The following CSN1S1 variants were observed in gnomAD, a reference collection of about 807,000 sequenced individuals.
CSN1S1 encodes alpha-S1-casein.
A neutral mutation model predicts 49.1 loss-of-function variants in CSN1S1; 63 were observed. The ratio of observed to expected loss-of-function variants is 1.28; its 90% confidence interval spans 1.05 to 1.58. The LOEUF is 1.58. CSN1S1 is among the 40% of genes most tolerant of loss of function. CSN1S1 has a pLI of 0.00. For synonymous variants in CSN1S1, 78 were observed against 67.1 expected (o/e 1.16, Z -0.79); for missense variants, 260 against 224.7 (o/e 1.16, Z -1.01).
chr4:69,943,210 A>T (rs1348731446), intron 14 of CSN1S1, among the ~76,000 whole-genome samples: 1 of 150,258 alleles, frequency 6.7e-6, no homozygotes, highest in African/African-American at 2.4e-5. Flanking sequence ...TATTAGACAG[A>T]TTCTCACACT....
intron 9 of CSN1S1, 112 bp downstream of exon 9, chr4:69,937,935 A>AGAC: frequency 1.6e-6 from 1 of 630,528 alleles, no homozygotes; most frequent in Non-Finnish European, 2.5e-6. Context: ...TAAGAAACTG[A>AGAC]ATTTTAAAAT....
At chr4:69,938,297 G>A (rs923483072) in intron 9 of CSN1S1, among the ~76,000 whole-genome samples, 32 of 151,694 alleles carry the variant, frequency 2.1e-4, no homozygotes, top group African/African-American at 7.5e-4. Context: ...AACAGGTATA[G>A]GTTGGTGCAA....
intron 1 of CSN1S1, 32 bp from the exon 2 acceptor site, chr4:69,932,512 T>C (rs1560384851): frequency 5.2e-6 from 8 of 1,548,062 alleles, no homozygotes; most frequent in Non-Finnish European, 7.0e-6. Flanking sequence ...CGTAATAATA[T>C]CTAACTCTTT....
chr4:69,945,414 T>C (rs1578139195), intron 15 of CSN1S1, among the ~76,000 whole-genome samples: 1 of 152,036 alleles, frequency 6.6e-6, no homozygotes, highest in East Asian at 1.9e-4. Context: ...TATTTTGGTG[T>C]TCAGTAGTCC....
chr4:69,937,659 C>A (rs758259463), intron 8 of CSN1S1, 141 bp from the exon 9 acceptor site: 3 of 605,528 alleles, frequency 5.0e-6, no homozygotes, highest in African/African-American at 4.0e-5. Flanking sequence ...ATAAAGTAGG[C>A]AGTTTTTTTA....
chr4:69,942,515 A>G, intron 13 of CSN1S1, 21 bp from the exon 14 acceptor site: 1 of 1,566,624 alleles, frequency 6.4e-7, no homozygotes, highest in Middle Eastern at 1.9e-4. Context: ...AGTAATTTAG[A>G]ATGTGTTTCC....
At chr4:69,935,875 G>A (rs554012594) in intron 4 of CSN1S1, 51 bp from the exon 5 acceptor site, 1 of 1,160,460 alleles carries the variant, frequency 8.6e-7, no homozygotes, top group South Asian at 1.4e-5. Context: ...TAAATGATTT[G>A]ATAGATAACT....
chr4:69,936,365 A>C (rs1722783314), intron 5 of CSN1S1, 91 bp from the exon 6 acceptor site: 1 of 957,152 alleles, frequency 1.0e-6, no homozygotes, highest in East Asian at 2.5e-5. Flanking sequence ...AATTTGTATC[A>C]GCACGATGTG....
intron 8 of CSN1S1, 68 bp from the exon 9 acceptor site, chr4:69,937,732 G>A (rs1722834143): frequency 8.2e-7 from 1 of 1,212,486 alleles, no homozygotes; most frequent in African/African-American, 1.6e-5. Flanking sequence ...ATTTTATTTG[G>A]TAATCATTAC....
Position 69,931,127 on chromosome 4 carries a change from T to C in CSN1S1, c.-13+10T>C, listed in dbSNP as rs1722594907. 1 of 152,032 alleles carries C rather than the reference T, an allele frequency of 6.6e-6. No homozygotes were observed. Among genetic ancestry groups the C allele is most frequent in the Non-Finnish European group, 1.5e-5 (1 of 67,920 alleles). The allele number at this position is 152,032 out of a possible 1,614,324, so 9.4% of individuals were successfully genotyped here. The stretch of plus-strand genomic sequence containing the variant: ...CAGACTTGGGCTTAAGGTACTGCGT[T>C]TACATACAGCAAAATTGCTATCATT... On this transcript the variant is annotated intron_variant, in intron 1 of 15. Transcript: ENST00000246891.
At position 69,936,063 on chromosome 4, in the gene CSN1S1, G is replaced by C. The variant is rs913474004; in HGVS notation, c.129+114G>C. On this transcript the variant is annotated intron_variant, in intron 5 of 15. Coordinates refer to ENST00000246891, the MANE Select transcript of CSN1S1 (RefSeq NM_001890.2). ...AGTGAAAGTCAAGGATAACAAATTT[G>C]AGTGGAACAAACTTAAAAATATTGT... The C allele has an allele frequency of 1.7e-5, 14 of 821,864 alleles. 1 individual carries two copies. In the Admixed American group the frequency reaches 3.1e-4, roughly 18 times the overall value. 50.9% of individuals were successfully genotyped at this position (821,864 alleles called of 1,614,324 possible). A position where few individuals can be genotyped will look rare whatever the true frequency, so the allele number is the denominator to read the frequency against.
chr4:69,933,374 CA>C (rs149617149), intron 2 of CSN1S1, among the ~76,000 whole-genome samples: 1 of 152,028 alleles, frequency 6.6e-6, no homozygotes, highest in African/African-American at 2.4e-5. Context: ...TTATCTCATA[CA>C]GAAGAAAAAT....
At chr4:69,933,421 A>T (rs997776221) in intron 2 of CSN1S1, among the ~76,000 whole-genome samples, 8 of 151,972 alleles carry the variant, frequency 5.3e-5, no homozygotes, top group African/African-American at 1.9e-4. Context: ...ATTTACACTG[A>T]CAGACTTGTT....
intron 15 of CSN1S1, among the ~76,000 whole-genome samples, chr4:69,945,906 A>G (rs1327423208): frequency 6.6e-6 from 1 of 151,884 alleles, no homozygotes; most frequent in East Asian, 1.9e-4. Context: ...AATACATTAA[A>G]CCAAGGAAAA....
At chr4:69,937,568 G>T (rs1211228275) in intron 8 of CSN1S1, among the ~76,000 whole-genome samples, 1 of 151,530 alleles carries the variant, frequency 6.6e-6, no homozygotes, top group Non-Finnish European at 1.5e-5. Flanking sequence ...ATGTAAACTT[G>T]TTTTCACTGA....
At position 69,936,602 on chromosome 4, in the gene CSN1S1, A is replaced by G. The variant is rs776287226; in HGVS notation, c.190A>G (p.Ile64Val). 7 of 1,604,354 alleles carry G rather than the reference A, an allele frequency of 4.4e-6. No individual in the cohort carries two copies. Among genetic ancestry groups the G allele is most frequent in the African/African-American group, 2.7e-5 (2 of 74,636 alleles). The change falls in exon 7 of 16, where the codon ATC becomes GTC. Residue 64 changes from isoleucine to valine, a missense_variant. Ile to Val is a conservative substitution (Grantham distance 29). Coordinates refer to ENST00000246891, the MANE Select transcript of CSN1S1 (RefSeq NM_001890.2). ...TCTGAGAGAAAAACAGACTGATGAAATCAAGGTACCAAAGTTTTTCTTGAA... is the reference window on the plus strand; with the variant it reads ...TCTGAGAGAAAAACAGACTGATGAAGTCAAGGTACCAAAGTTTTTCTTGAA... ...NILREKQTDEIKDTRNESTQN... is the reference protein window; with the variant it reads ...NILREKQTDEVKDTRNESTQN...
At chr4:69,931,869 G>A (rs1413206110) in intron 1 of CSN1S1, among the ~76,000 whole-genome samples, 1 of 151,722 alleles carries the variant, frequency 6.6e-6, no homozygotes, top group Non-Finnish European at 1.5e-5. Flanking sequence ...TGAAACTCTG[G>A]AAATCAAATA....
In CSN1S1 at chr4:69,937,802, CTG is replaced by C. The variant is rs768372287; in HGVS notation, c.226_227del (p.Val76CysfsTer5). 7 of 1,593,670 alleles carry C rather than the reference CTG, an allele frequency of 4.4e-6. No individual in the cohort carries two copies. In the Admixed American group the frequency reaches 5.4e-5, roughly 12 times the overall value. ...TTGATTATTTTTTCTTTCTTAAGAACTGTGTTGTGGCAGAGCCTGAGGTAAGA... is the reference window on the plus strand; with the variant it reads ...TTGATTATTTTTTCTTTCTTAAGAACTGTTGTGGCAGAGCCTGAGGTAAGA... The part of the protein sequence containing the change: ...KDTRNESTQN[C>X]VVAEPEKMES... On this transcript the variant is annotated frameshift_variant, in exon 9 of 16. Transcript: ENST00000246891. LOFTEE classifies it high-confidence loss of function.
chr4:69,940,111 TCACACACACACACACACACACA>T, intron 11 of CSN1S1, 67 bp downstream of exon 11: 2 of 404,082 alleles, frequency 4.9e-6, no homozygotes, highest in Non-Finnish European at 8.9e-6. Context: ...GCACTTACTT[TCACACACACACACACACACACA>T]CACACACACA....
Sources: gnomAD v4.1 joint callset for allele counts (sites outside exome capture counted in the v4.1 genomes callset) on GRCh38, gnomAD v4.1.1 for gene constraint, MANE v1.5 for transcripts, NCBI Gene and HGNC (gene_info 2026-07-23, HGNC 2026-07-21) for gene names.